The following NUGGC variants were observed in gnomAD, a reference collection of about 807,000 sequenced individuals.
The protein encoded by NUGGC is nuclear GTPase, germinal center associated, also known as nuclear GTPase SLIP-GC.
In NUGGC, 58 loss-of-function variants were observed where a neutral mutation model predicts 92.6. That is an observed-to-expected ratio of 0.63 (90% confidence interval 0.51 to 0.78). NUGGC has a LOEUF of 0.78. NUGGC is among the 30% of genes least tolerant of loss of function. The pLI, the probability that NUGGC is intolerant of heterozygous loss-of-function variation, is 0.00. For synonymous variants in NUGGC, 376 were observed against 366.4 expected, an observed-to-expected ratio of 1.03 and a Z score of -0.30; for missense variants, 925 against 964.6, an observed-to-expected ratio of 0.96 and a Z score of 0.54.
chr8:28,043,656 C>T (rs1326612981), intron 12 of NUGGC, among the ~76,000 whole-genome samples: 2 of 152,326 alleles, frequency 1.3e-5, no homozygotes, highest in African/African-American at 2.4e-5. Context: ...GAGCTCTGCA[C>T]TTCCATATTA....
At chr8:28,068,562 C>G in intron 4 of NUGGC, 124 bp from the exon 5 acceptor site, 3 of 659,364 alleles carry the variant, frequency 4.5e-6, no homozygotes, top group East Asian at 2.7e-5. Flanking sequence ...AGTCTCTGTT[C>G]TCTCCTCTGT....
At chr8:28,026,838 C>A (rs1809275824) in intron 18 of NUGGC, 124 bp downstream of exon 18, 2 of 690,412 alleles carry the variant, frequency 2.9e-6, no homozygotes, top group Non-Finnish European at 2.6e-6. Context: ...CCTGCTAATT[C>A]TTCCTAACTT....
chr8:28,032,609 T>A (rs1225310577), intron 14 of NUGGC, among the ~76,000 whole-genome samples: 3 of 150,702 alleles, frequency 2.0e-5, no homozygotes, highest in Admixed American at 6.6e-5. Context: ...TCCCAGCTAC[T>A]CGGGAGGCTG....
At chr8:28,053,065 G>A (rs540557849) in intron 10 of NUGGC, among the ~76,000 whole-genome samples, 18 of 152,000 alleles carry the variant, frequency 1.2e-4, no homozygotes, top group Non-Finnish European at 1.6e-4. Flanking sequence ...TGTATGCAAA[G>A]TGACTGCCTA....
At chr8:28,040,853 G>C (rs1206781538) in intron 13 of NUGGC, among the ~76,000 whole-genome samples, 198 bp downstream of exon 13, 3 of 152,146 alleles carry the variant, frequency 2.0e-5, no homozygotes, top group Admixed American at 6.5e-5. Flanking sequence ...CACCATGTTG[G>C]CCAGGATGGT....
intron 18 of NUGGC, among the ~76,000 whole-genome samples, chr8:28,024,893 A>G: frequency 6.6e-6 from 1 of 152,210 alleles, no homozygotes; most frequent in Non-Finnish European, 1.5e-5. Flanking sequence ...AACGATCTGA[A>G]GTCTGAGTGG....
At chr8:28,056,819 A>G (rs1380355382) in intron 9 of NUGGC, among the ~76,000 whole-genome samples, 1 of 152,232 alleles carries the variant, frequency 6.6e-6, no homozygotes, top group Non-Finnish European at 1.5e-5. Context: ...GTAAACAAAC[A>G]TTAAGATGCA....
Position 28,047,613 on chromosome 8 carries a change from C to G in NUGGC, c.1207-1G>C, listed in dbSNP as rs1809873627. On this transcript the variant is annotated splice_acceptor_variant, in intron 10 of 18. Coordinates refer to ENST00000413272, the MANE Select transcript of NUGGC (RefSeq NM_001010906.2). LOFTEE classifies it high-confidence loss of function. ...CCTTGAAGTCAGCTGGCAGTTTTCTCTGAAGTGAGAGAGTCACACAGAAAA... is the reference window on the plus strand; with the variant it reads ...CCTTGAAGTCAGCTGGCAGTTTTCTGTGAAGTGAGAGAGTCACACAGAAAA... 6.5e-7 allele frequency: 1 copy of G among 1,540,298 alleles called. No individual in the cohort carries two copies. Among genetic ancestry groups the G allele is most frequent in the South Asian group, 1.2e-5 (1 of 83,746 alleles).
At chr8:28,081,463 G>A (rs1028883575) in intron 1 of NUGGC, among the ~76,000 whole-genome samples, 2 of 152,160 alleles carry the variant, frequency 1.3e-5, no homozygotes, top group African/African-American at 2.4e-5. Context: ...ATCAGTACTA[G>A]TGTCATCCAG....
At chr8:28,043,347 C>T (rs372871925) in intron 12 of NUGGC, among the ~76,000 whole-genome samples, 1 of 152,152 alleles carries the variant, frequency 6.6e-6, no homozygotes, top group East Asian at 1.9e-4. Context: ...AATGATTGCT[C>T]ATTTAAAATC....
chr8:28,032,621 G>T (rs972047890), intron 14 of NUGGC, among the ~76,000 whole-genome samples: 1 of 151,692 alleles, frequency 6.6e-6, no homozygotes, highest in Non-Finnish European at 1.5e-5. Context: ...GGGAGGCTGA[G>T]GCAGGAGAAT....
Position 28,058,859 on chromosome 8 carries a change from C to T in NUGGC, c.1098-583G>A, listed in dbSNP as rs577865863. Among the ~76,000 whole-genome samples, 205 of 152,150 alleles carry T rather than the reference C, an allele frequency of 1.3e-3. 1 individual carries two copies. The highest frequency in any genetic ancestry group is 4.4e-3 in the African/African-American group (184 of 41,496). On this transcript the variant is annotated intron_variant, in intron 8 of 18. Transcript: ENST00000413272. ...CTGGGACTACAGGTGTGCATCACCA[C>T]GCCCGGCCAATTTATTTTGTATTTT...
intron 10 of NUGGC, among the ~76,000 whole-genome samples, chr8:28,051,727 AG>A (rs1287448932): frequency 6.6e-6 from 1 of 152,200 alleles, no homozygotes; most frequent in Non-Finnish European, 1.5e-5. Context: ...GTTTGAGACC[AG>A]CCTGACCAGC....
intron 10 of NUGGC, among the ~76,000 whole-genome samples, chr8:28,052,255 G>A (rs775937844): frequency 7.9e-5 from 12 of 152,188 alleles, no homozygotes; most frequent in Admixed American, 4.6e-4. Context: ...AAATTGAGGT[G>A]CATCTTGCAA....
rs375264155 is a variant in NUGGC at position 28,064,415 on chromosome 8, C to T, written c.921+107G>A. Reference sequence around the variant, plus strand: ...ACATAGAAATTAAAAGAATTTAATTCCAATGAACTCAAAATCCCTGAAGCT... The same window carrying T: ...ACATAGAAATTAAAAGAATTTAATTTCAATGAACTCAAAATCCCTGAAGCT... On this transcript the variant is annotated intron_variant, in intron 7 of 18. Coordinates refer to ENST00000413272, the MANE Select transcript of NUGGC (RefSeq NM_001010906.2). The T allele has an allele frequency of 2.2e-3, 2,029 of 930,244 alleles. 9 individuals carry two copies. The highest frequency in any genetic ancestry group is 0.019 in the Middle Eastern group (81 of 4,246). The allele number at this position is 930,244 out of a possible 1,614,324, so 57.6% of individuals were successfully genotyped here.
chr8:28,064,590 C>T lies in NUGGC; in HGVS notation c.853G>A (p.Gly285Arg). The change falls in exon 7 of 19, where the codon GGG becomes AGG. Residue 285 changes from glycine (G) to arginine (R), a missense_variant. Transcript: ENST00000413272. Reference protein sequence around the residue: ...TLPKSDLIPEGVVLVDIPGTG... With the variant: ...TLPKSDLIPERVVLVDIPGTG... ...CCTGGGATGTCCACCAGCACGACCC[C>T]TTCTGGGATCAGGTCGGATTTGGGA... 2 of 1,614,054 alleles carry T rather than the reference C, an allele frequency of 1.2e-6. No individual in the cohort carries two copies. The highest frequency in any genetic ancestry group is 1.7e-6 in the Non-Finnish European group (2 of 1,179,910).
In NUGGC at chr8:28,039,094, T is replaced by C. The variant is rs1157077615; in HGVS notation, c.1611+1957A>G. ...TCCTCCTGTGTCCACACACTGACAC[T>C]TTCCCCAGTGACCCCAGAATCACCC... On this transcript the variant is annotated intron_variant, in intron 13 of 18. Transcript: ENST00000413272. 5.3e-5 allele frequency among the ~76,000 whole-genome samples: 8 copies of C among 152,272 alleles called. No individual in the cohort carries two copies. In the East Asian group the frequency reaches 1.3e-3, roughly 26 times the overall value.
At chr8:28,079,778 T>G (rs1810804917) in intron 1 of NUGGC, among the ~76,000 whole-genome samples, 1 of 151,990 alleles carries the variant, frequency 6.6e-6, no homozygotes, top group African/African-American at 2.4e-5. Flanking sequence ...CAAAGGAGGG[T>G]TCCCTCAAAT....
At chr8:28,042,133 G>T (rs1809716667) in intron 12 of NUGGC, among the ~76,000 whole-genome samples, 1 of 152,056 alleles carries the variant, frequency 6.6e-6, no homozygotes, top group Non-Finnish European at 1.5e-5. Flanking sequence ...TGATTGTGAG[G>T]CCTCCCCAGG....
Sources: gnomAD v4.1 joint callset for allele counts (sites outside exome capture counted in the v4.1 genomes callset) on GRCh38, gnomAD v4.1.1 for gene constraint, MANE v1.5 for transcripts, NCBI Gene and HGNC (gene_info 2026-07-23, HGNC 2026-07-21) for gene names.